CELSR1: variants seen among roughly 807,000 people sequenced by gnomAD.
The protein encoded by CELSR1 is cadherin EGF LAG seven-pass G-type receptor 1.
Under a neutral mutation model 249.1 loss-of-function variants are expected in CELSR1, and 110 were observed. The ratio of observed to expected loss-of-function variants is 0.44; its 90% confidence interval spans 0.38 to 0.52. The LOEUF is 0.52. Among genes scored for constraint, CELSR1 ranks in the 20% least tolerant of loss-of-function variants. CELSR1 has a pLI of 0.00. For synonymous variants in CELSR1, 2,113 were observed against 1,900.0 expected, an observed-to-expected ratio of 1.11 and a Z score of -2.92; for missense variants, 4,109 against 4,296.4, an observed-to-expected ratio of 0.96 and a Z score of 1.22.
Position 46,389,641 on chromosome 22 carries a change from C to A in CELSR1, c.6346-142G>T, listed in dbSNP as rs1264095452. On this transcript the variant is annotated intron_variant, in intron 17 of 34. Coordinates refer to ENST00000674500, the MANE Select transcript of CELSR1 (RefSeq NM_001378328.1). ...TAAAAAATCCAAAAGCCTGGCTGGG[C>A]ATGGTGGCTCACGCCTGTAATCCCA... is the stretch of plus-strand genomic sequence containing the variant. 8.7e-6 allele frequency: 8 copies of A among 918,268 alleles called. 1 individual carries two copies. The Middle Eastern group carries it at 7.7e-4, about 89-fold the overall frequency. 56.9% of individuals were successfully genotyped at this position (918,268 alleles called of 1,614,324 possible).
At position 46,414,799 on chromosome 22, in the gene CELSR1, C is replaced by A. The variant is rs542172725; in HGVS notation, c.4612-3040G>T. ...AGCCCCAGGCGTGTACCCAAAAGAA[C>A]TGAAAACAGGAACTCAAAAACCAGT... On this transcript the variant is annotated intron_variant, in intron 5 of 34. Coordinates refer to ENST00000674500, the MANE Select transcript of CELSR1 (RefSeq NM_001378328.1). Among the ~76,000 whole-genome samples the A allele has an allele frequency of 6.0e-4, 91 of 152,344 alleles. 1 individual carries two copies. The highest frequency in any genetic ancestry group is 3.7e-3 in the Admixed American group (57 of 15,304).
In CELSR1 at chr22:46,534,207, G is replaced by A. The variant is rs763272765; in HGVS notation, c.2964C>T (p.Thr988=). The change falls in exon 1 of 35, where the codon ACC becomes ACT. Residue 988 remains threonine (T), a synonymous_variant. Coordinates refer to ENST00000674500, the MANE Select transcript of CELSR1 (RefSeq NM_001378328.1). This position sits in a 1 kb window ranked among gnomAD's most constrained non-coding sequence, Gnocchi z 9.7. ...GGGCATTGTCATTAATGTCCAAGAT[G>A]GTCACCTGGATTTCTACCGAGGCGC... ...PLSASVEIQV[T]ILDINDNAPM... 3 of 1,613,894 alleles carry A rather than the reference G, an allele frequency of 1.9e-6. No individual in the cohort carries two copies. In the South Asian group the frequency reaches 3.3e-5, roughly 18 times the overall value.
intron 1 of CELSR1, among the ~76,000 whole-genome samples, chr22:46,508,203 G>A (rs907239507): frequency 6.7e-6 from 1 of 150,002 alleles, no homozygotes; most frequent in South Asian, 2.1e-4. Flanking sequence ...CGCCACTCTC[G>A]CCCTGCCCTG....
intron 29 of CELSR1, 100 bp from the exon 30 acceptor site, chr22:46,366,580 CCCTGGCTGGGCCCCTG>C: frequency 3.1e-6 from 3 of 977,980 alleles, no homozygotes; most frequent in Non-Finnish European, 4.7e-6. Flanking sequence ...CACACCCACA[CCCTGGCTGGGCCCCTG>C]CCTGGCACAC....
chr22:46,385,428 A>G (rs960355601), intron 19 of CELSR1, among the ~76,000 whole-genome samples: 1 of 152,002 alleles, frequency 6.6e-6, no homozygotes, highest in Non-Finnish European at 1.5e-5. Flanking sequence ...CTGACTTCCA[A>G]CTTCCTGCAT....
intron 18 of CELSR1, among the ~76,000 whole-genome samples, chr22:46,388,325 G>A (rs1275215284): frequency 1.3e-5 from 2 of 151,804 alleles, no homozygotes; most frequent in African/African-American, 2.4e-5. Flanking sequence ...CTCCAGCCTG[G>A]ACAACAGAGC....
rs190304413 is a variant in CELSR1, at chr22:46,446,547, G to A, written c.4184-7136C>T. The stretch of plus-strand genomic sequence containing the variant: ...GACTGTCAGGCACACAGCGAGTGCC[G>A]AATAAATGCCTGGTGTGTGCAGGGC... On this transcript the variant is annotated intron_variant, in intron 2 of 34. Coordinates refer to ENST00000674500, the MANE Select transcript of CELSR1 (RefSeq NM_001378328.1). The surrounding 1 kb of genome is among the most constrained non-coding windows in gnomAD (Gnocchi z 5.5). 2.8e-4 allele frequency among the ~76,000 whole-genome samples: 42 copies of A among 152,132 alleles called. No homozygotes were observed. The East Asian group carries it at 7.4e-3, about 27-fold the overall frequency.
At chr22:46,491,478 T>C (rs1385020911) in intron 1 of CELSR1, among the ~76,000 whole-genome samples, 1 of 152,054 alleles carries the variant, frequency 6.6e-6, no homozygotes, top group Non-Finnish European at 1.5e-5. Flanking sequence ...TTGGCCAGGC[T>C]GGTCTCATAC....
chr22:46,487,409 G>A (rs115763164), intron 1 of CELSR1, among the ~76,000 whole-genome samples: 4 of 148,106 alleles, frequency 2.7e-5, no homozygotes, highest in Admixed American at 1.4e-4. Context: ...AAACATTTGC[G>A]GGCCCTGTGT....
intron 2 of CELSR1, among the ~76,000 whole-genome samples, chr22:46,460,113 T>C (rs148364835): frequency 1.5e-3 from 230 of 151,528 alleles, no homozygotes; most frequent in African/African-American, 4.9e-3. Context: ...GAGGCAGAGG[T>C]TGCGGTGAGC....
rs748506125 is a variant in CELSR1, at chr22:46,399,790, T to C, written c.5339A>G (p.Glu1780Gly). The C allele has an allele frequency of 2.5e-6, 4 of 1,614,034 alleles. No individual in the cohort carries two copies. Among genetic ancestry groups the C allele is most frequent in the Non-Finnish European group, 3.4e-6 (4 of 1,179,974 alleles). ...ACTGTCCTCCTTAACATTCTTCAGC[T>C]CGATCAGCAGGTGGTGCCACTCCCC... ...TDGEWHHLLI[E>G]LKNVKEDSEM... The change falls in exon 10 of 35, where the codon GAG becomes GGG. Residue 1780 changes from glutamate (E) to glycine (G), a missense_variant. By Grantham distance (98) the Glu-to-Gly change is moderately conservative. This residue lies in a region of CELSR1 where 1,805 missense variants were observed against 1,831.6 expected (regional missense o/e 0.99). Transcript: ENST00000674500. The surrounding 1 kb of genome is among the most constrained non-coding windows in gnomAD (Gnocchi z 5.0).
At position 46,468,832 on chromosome 22, in the gene CELSR1, T is replaced by C. The variant is rs2080124970; in HGVS notation, c.3545-4487A>G. ...GGCTCACGTCTGAAATCCCAGCACT[T>C]TGGGAGGCCGAGGCGGCAGATCACC... On this transcript the variant is annotated intron_variant, in intron 1 of 34. Coordinates refer to ENST00000674500, the MANE Select transcript of CELSR1 (RefSeq NM_001378328.1). The surrounding 1 kb of genome is among the most constrained non-coding windows in gnomAD (Gnocchi z 4.5). Among the ~76,000 whole-genome samples the C allele has an allele frequency of 6.6e-6, 1 of 152,154 alleles. No individual in the cohort carries two copies. The highest frequency in any genetic ancestry group is 6.6e-5 in the Admixed American group (1 of 15,256).
At chr22:46,519,367 T>C (rs185184561) in intron 1 of CELSR1, among the ~76,000 whole-genome samples, 14 of 152,376 alleles carry the variant, frequency 9.2e-5, no homozygotes, top group South Asian at 2.1e-4. Flanking sequence ...CTGATACAAA[T>C]ACACTTGAAC....
At position 46,535,277 on chromosome 22, in the gene CELSR1, T is replaced by A; in HGVS notation, c.1894A>T (p.Ile632Phe). The change falls in exon 1 of 35, where the codon ATC (isoleucine) becomes TTC (phenylalanine). Residue 632 changes from isoleucine to phenylalanine, a missense_variant. Coordinates refer to ENST00000674500, the MANE Select transcript of CELSR1 (RefSeq NM_001378328.1). ...GTGATCCAACCGGAGCTGTTGTGGA[T>A]CTGGAAGGGGAAGTCAGGGGTGGGG... is the stretch of plus-strand genomic sequence containing the variant. ...PAPTPDFPFQ[I>F]HNSSGWITVC... 6.2e-7 allele frequency: 1 copy of A among 1,610,744 alleles called. No individual in the cohort carries two copies. The highest frequency in any genetic ancestry group is 1.3e-5 in the African/African-American group (1 of 75,022).
intron 4 of CELSR1, among the ~76,000 whole-genome samples, chr22:46,435,279 A>ATTTT (rs887443508): frequency 4.6e-5 from 5 of 108,366 alleles, no homozygotes; most frequent in Non-Finnish European, 7.1e-5. Flanking sequence ...AAAAAAAAAA[A>ATTTT]TTTTTTTTTT....
At chr22:46,385,483 G>A (rs973231534) in intron 19 of CELSR1, among the ~76,000 whole-genome samples, 6 of 152,014 alleles carry the variant, frequency 3.9e-5, no homozygotes, top group South Asian at 2.1e-4. Flanking sequence ...GGAGTGAGGC[G>A]GGGTCCTCGA....
At chr22:46,364,319 G>A (rs1235157034) in intron 33 of CELSR1, 68 bp from the exon 34 acceptor site, 38 of 1,574,430 alleles carry the variant, frequency 2.4e-5, no homozygotes, top group Non-Finnish European at 3.1e-5. Flanking sequence ...TGGGCCGTGT[G>A]CAGCTGAGCC....
intron 1 of CELSR1, among the ~76,000 whole-genome samples, chr22:46,515,571 G>A (rs370632674): frequency 2.0e-5 from 3 of 152,160 alleles, no homozygotes; most frequent in African/African-American, 4.8e-5. Context: ...AGGGCACCCC[G>A]GGGGCTGGAG....
At chr22:46,382,262 G>T (rs1344542538) in intron 20 of CELSR1, among the ~76,000 whole-genome samples, 2 of 152,156 alleles carry the variant, frequency 1.3e-5, no homozygotes, top group Non-Finnish European at 2.9e-5. Context: ...CGGGGACCCA[G>T]ATACTTCTAT....
Sources: allele counts gnomAD v4.1 joint callset (sites outside exome capture counted in the v4.1 genomes callset), GRCh38; gene constraint gnomAD v4.1.1; regional missense constraint gnomAD v4.1.1; non-coding constraint Gnocchi (gnomAD v3.1); transcripts MANE v1.5; gene names NCBI Gene and HGNC (gene_info 2026-07-23, HGNC 2026-07-21).